Variants in FAP observed in about 807,000 individuals in gnomAD.
FAP encodes fibroblast activation protein alpha.
Under a neutral mutation model 126.5 loss-of-function variants are expected in FAP, and 110 were observed. The observed-to-expected ratio is 0.87, with a 90% confidence interval of 0.74 to 1.02. The LOEUF (loss-of-function observed/expected upper bound fraction) is 1.02, where lower values mean the gene tolerates loss of function less well. Ranked by LOEUF, FAP falls within the 50% of genes least tolerant of loss-of-function variation. FAP has a pLI of 0.00. For synonymous variants in FAP, 334 were observed against 297.3 expected, an observed-to-expected ratio of 1.12 and a Z score of -1.27; for missense variants, 919 against 909.2, an observed-to-expected ratio of 1.01 and a Z score of -0.14.
chr2:162,181,225 C>T (rs970162642), intron 21 of FAP, among the ~76,000 whole-genome samples: 19 of 150,788 alleles, frequency 1.3e-4, no homozygotes, highest in African/African-American at 3.9e-4. Flanking sequence ...TGCAGTGAGC[C>T]GAGATCGTAC....
At chr2:162,213,832 A>G in intron 11 of FAP, 106 bp downstream of exon 11, 2 of 1,136,652 alleles carry the variant, frequency 1.8e-6, no homozygotes, top group Non-Finnish European at 1.2e-6. Context: ...TGGCAGTTGA[A>G]TGCAGTAATC....
At chr2:162,227,237 G>A (rs1386710342) in intron 2 of FAP, among the ~76,000 whole-genome samples, 1 of 152,058 alleles carries the variant, frequency 6.6e-6, no homozygotes, top group African/African-American at 2.4e-5. Context: ...TAGACCAAAA[G>A]AAAAGAAAAC....
At chr2:162,216,142 C>T (rs989672315) in intron 9 of FAP, 141 bp from the exon 10 acceptor site, 28 of 586,660 alleles carry the variant, frequency 4.8e-5, no homozygotes, top group African/African-American at 3.0e-4. Flanking sequence ...ATTTATAACA[C>T]GACAAGGAAT....
chr2:162,215,043 G>T (rs1357393110), intron 10 of FAP, among the ~76,000 whole-genome samples: 1 of 152,082 alleles, frequency 6.6e-6, no homozygotes, highest in Non-Finnish European at 1.5e-5. Context: ...AAAAAAAAAT[G>T]ATGTATTGAG....
intron 11 of FAP, among the ~76,000 whole-genome samples, chr2:162,213,187 C>A (rs1689017601): frequency 1.3e-5 from 2 of 151,818 alleles, no homozygotes; most frequent in Non-Finnish European, 2.9e-5. Flanking sequence ...ACCATCCTGG[C>A]CAACATGGTG....
At chr2:162,173,990 A>G (rs1429802526) in intron 22 of FAP, among the ~76,000 whole-genome samples, 3 of 152,198 alleles carry the variant, frequency 2.0e-5, no homozygotes, top group African/African-American at 7.2e-5. Flanking sequence ...CTAGAGAAGT[A>G]TGAAGGAAGA....
At chr2:162,233,337 C>T (rs1486987181) in intron 2 of FAP, among the ~76,000 whole-genome samples, 1 of 151,998 alleles carries the variant, frequency 6.6e-6, no homozygotes, top group African/African-American at 2.4e-5. Flanking sequence ...ACCCTGTCTA[C>T]TGCTTGTCTC....
intron 4 of FAP, 107 bp downstream of exon 4, chr2:162,225,376 G>C (rs1051619703): frequency 7.0e-7 from 1 of 1,424,586 alleles, no homozygotes. Flanking sequence ...ATGGAGCTGG[G>C]AAGGCAAGTT....
intron 15 of FAP, among the ~76,000 whole-genome samples, chr2:162,199,228 C>G (rs1419671556): frequency 6.6e-6 from 1 of 152,180 alleles, no homozygotes; most frequent in Non-Finnish European, 1.5e-5. Context: ...CTTCGTCTTT[C>G]TATCTCTCTG....
intron 17 of FAP, among the ~76,000 whole-genome samples, 190 bp downstream of exon 17, chr2:162,194,511 A>G (rs796368176): frequency 2.0e-5 from 3 of 152,286 alleles, no homozygotes; most frequent in African/African-American, 7.2e-5. Flanking sequence ...GCAAAGAATT[A>G]TTAAATTTCA....
intron 17 of FAP, among the ~76,000 whole-genome samples, chr2:162,190,288 G>T (rs1687992558): frequency 6.6e-6 from 1 of 151,834 alleles, no homozygotes; most frequent in Admixed American, 6.6e-5. Flanking sequence ...GATTAATAAA[G>T]GATATTCTCC....
At chr2:162,198,153 T>A (rs1304100676) in intron 16 of FAP, 1 of 1,274,986 alleles carries the variant, frequency 7.8e-7, no homozygotes, top group East Asian at 5.6e-5. Flanking sequence ...TTACTTATGG[T>A]TTGTTATATT....
At chr2:162,183,502 A>T in intron 20 of FAP, 34 bp from the exon 21 acceptor site, 3 of 1,224,704 alleles carry the variant, frequency 2.4e-6, no homozygotes, top group Non-Finnish European at 3.6e-6. Context: ...TAGAATGTTA[A>T]GTGTATACAC....
At chr2:162,227,436 G>C (rs1689702442) in intron 2 of FAP, among the ~76,000 whole-genome samples, 1 of 152,104 alleles carries the variant, frequency 6.6e-6, no homozygotes, top group South Asian at 2.1e-4. Context: ...GAAGCAGTCA[G>C]ATACACCAGA....
chr2:162,220,792 C>A (rs564355160), intron 6 of FAP, among the ~76,000 whole-genome samples: 4 of 152,140 alleles, frequency 2.6e-5, no homozygotes, highest in Non-Finnish European at 2.9e-5. Context: ...GTTGCAGAGT[C>A]GTAGGATGTC....
At chr2:162,217,036 C>A (rs1210652940) in intron 9 of FAP, among the ~76,000 whole-genome samples, 2 of 152,200 alleles carry the variant, frequency 1.3e-5, no homozygotes, top group Non-Finnish European at 2.9e-5. Flanking sequence ...TGAGGCCTGT[C>A]CCAAACATCT....
chr2:162,195,919 G>T (rs924996909), intron 16 of FAP, among the ~76,000 whole-genome samples: 2 of 152,106 alleles, frequency 1.3e-5, no homozygotes, highest in African/African-American at 2.4e-5. Context: ...CATTAAAGTA[G>T]CATGCTTGGC....
At position 162,190,740 on chromosome 2, in the gene FAP, T is replaced by C. The variant is rs188831721; in HGVS notation, c.1451-986A>G. ...TATCTATTGCTACAAAAGATGTCCA[T>C]GGACTTCTTGTTTTTATGCCTTTTT... is the stretch of plus-strand genomic sequence containing the variant. On this transcript the variant is annotated intron_variant, in intron 17 of 25. Transcript: ENST00000188790. Among the ~76,000 whole-genome samples, 25 of 152,220 alleles carry C rather than the reference T, an allele frequency of 1.6e-4. No individual in the cohort carries two copies. The East Asian group carries it at 4.6e-3, about 28-fold the overall frequency.
chr2:162,180,070 G>A (rs1228377475), intron 21 of FAP, among the ~76,000 whole-genome samples: 8 of 151,938 alleles, frequency 5.3e-5, no homozygotes, highest in Non-Finnish European at 1.2e-4. Flanking sequence ...GTCTCACAAA[G>A]TACTGGGATT....
Sources: gnomAD v4.1 joint callset for allele counts (sites outside exome capture counted in the v4.1 genomes callset) on GRCh38, gnomAD v4.1.1 for gene constraint, MANE v1.5 for transcripts, NCBI Gene and HGNC (gene_info 2026-07-23, HGNC 2026-07-21) for gene names.